The following NECTIN2 variants were observed in gnomAD, a reference collection of about 807,000 sequenced individuals.
The protein encoded by NECTIN2 is nectin-2.
A neutral mutation model predicts 56.9 loss-of-function variants in NECTIN2; 23 were observed. The observed-to-expected ratio is 0.40, with a 90% CI of 0.29 to 0.57. The LOEUF (loss-of-function observed/expected upper bound fraction) is 0.57. Among genes scored for constraint, NECTIN2 ranks in the 20% least tolerant of loss-of-function variants. NECTIN2 has a pLI of 0.38. For synonymous variants in NECTIN2, 302 were observed against 313.8 expected (o/e 0.96, Z 0.40); for missense variants, 587 against 718.3 (o/e 0.82, Z 2.09).
chr19:44,868,466 CTTTTT>C (rs71338735), intron 2 of NECTIN2, among the ~76,000 whole-genome samples: 1 of 133,512 alleles, frequency 7.5e-6, no homozygotes, highest in African/African-American at 2.8e-5. Context: ...TTTCCTTTTT[CTTTTT>C]TTTTTTTTTT....
intron 2 of NECTIN2, among the ~76,000 whole-genome samples, chr19:44,869,470 G>T (rs1427651240): frequency 5.1e-4 from 77 of 151,292 alleles, no homozygotes; most frequent in Admixed American, 5.1e-3. Flanking sequence ...GCGGGTGCCT[G>T]TAGTCCCAGC....
intron 8 of NECTIN2, among the ~76,000 whole-genome samples, chr19:44,886,478 TGGGAGGCCAAGG>T (rs1187358932): frequency 6.6e-6 from 1 of 152,094 alleles, no homozygotes; most frequent in East Asian, 1.9e-4. Context: ...CCCAGCACTT[TGGGAGGCCAAGG>T]CAGGAGGATC....
chr19:44,853,088 G>A (rs989773251), intron 1 of NECTIN2, among the ~76,000 whole-genome samples: 4 of 151,574 alleles, frequency 2.6e-5, no homozygotes, highest in African/African-American at 7.3e-5. Flanking sequence ...CCTGAGCAAC[G>A]GAGTGAGATC....
chr19:44,864,022 C>A (rs908055827), intron 1 of NECTIN2, among the ~76,000 whole-genome samples: 2 of 148,180 alleles, frequency 1.3e-5, no homozygotes, highest in African/African-American at 5.0e-5. Context: ...TCCCCCCCCC[C>A]AAAAAAAAAT....
chr19:44,877,439 A>G (rs559495179), intron 5 of NECTIN2, among the ~76,000 whole-genome samples: 23 of 151,544 alleles, frequency 1.5e-4, no homozygotes, highest in African/African-American at 5.3e-4. Flanking sequence ...ACTACCTCCC[A>G]TCCCCCATCC....
At chr19:44,868,925 A>G (rs1019401420) in intron 2 of NECTIN2, among the ~76,000 whole-genome samples, 5 of 148,880 alleles carry the variant, frequency 3.4e-5, no homozygotes, top group African/African-American at 1.2e-4. Context: ...AAAAAAAAAA[A>G]TATGTTGGAA....
intron 2 of NECTIN2, among the ~76,000 whole-genome samples, chr19:44,866,154 G>A (rs2122667508): frequency 6.6e-6 from 1 of 151,394 alleles, no homozygotes; most frequent in African/African-American, 2.4e-5. Context: ...TAGTCTGGGT[G>A]ACAGAGCAAG....
chr19:44,861,743 A>T (rs2122653071), intron 1 of NECTIN2, among the ~76,000 whole-genome samples: 1 of 152,328 alleles, frequency 6.6e-6, no homozygotes, highest in East Asian at 1.9e-4. Context: ...ACAAACATGA[A>T]AAAAATGCTC....
chr19:44,870,654 G>A (rs1207649872), intron 2 of NECTIN2, among the ~76,000 whole-genome samples: 6 of 152,030 alleles, frequency 3.9e-5, no homozygotes, highest in Non-Finnish European at 5.9e-5. Flanking sequence ...AAAAGGAACA[G>A]GGGGCCTTTC....
Position 44,888,110 on chromosome 19 carries a change from G to A in NECTIN2, c.1348G>A (p.Glu450Lys), listed in dbSNP as rs1343133196. 2.2e-5 allele frequency: 35 copies of A among 1,610,426 alleles called. No individual in the cohort carries two copies. The highest frequency in any genetic ancestry group is 3.0e-5 in the Non-Finnish European group (35 of 1,177,156). Residue 450 changes from glutamate to lysine, a missense_variant and splice_region_variant, in exon 9 of 9, where the codon GAA (glutamate) becomes AAA (lysine). By Grantham distance (56) the Glu-to-Lys change is moderately conservative. Transcript: ENST00000252483. ...FDAGASCTEQEMPRYHELPTL... is the reference protein window; with the variant it reads ...FDAGASCTEQKMPRYHELPTL... The stretch of plus-strand genomic sequence containing the variant: ...GTTCCTGTCCTCTCTCTACCTCCAG[G>A]AAATGCCTCGATACCATGAGCTGCC...
intron 1 of NECTIN2, among the ~76,000 whole-genome samples, chr19:44,847,787 T>G (rs1968853719): frequency 1.3e-5 from 2 of 152,254 alleles, no homozygotes; most frequent in South Asian, 2.1e-4. Context: ...ATCTATCCTC[T>G]GGTAGCGCCT....
intron 1 of NECTIN2, among the ~76,000 whole-genome samples, chr19:44,864,247 G>C (rs1405036089): frequency 6.6e-6 from 1 of 152,110 alleles, no homozygotes; most frequent in Non-Finnish European, 1.5e-5. Context: ...GAACCTGGGA[G>C]GTCAAGGCTG....
intron 2 of NECTIN2, 72 bp from the exon 3 acceptor site, chr19:44,871,781 T>C (rs910251412): frequency 8.5e-5 from 128 of 1,514,484 alleles, no homozygotes; most frequent in Non-Finnish European, 1.0e-4. Context: ...CTAACCACCC[T>C]GCTCCTCTGC....
Position 44,882,225 on chromosome 19 carries a change from G to A in NECTIN2, c.1057G>A (p.Ala353Thr). The A allele has an allele frequency of 2.0e-6, 3 of 1,499,764 alleles. No individual in the cohort carries two copies. Among genetic ancestry groups the A allele is most frequent in the Non-Finnish European group, 2.7e-6 (3 of 1,118,274 alleles). The allele number at this position is 1,499,764 out of a possible 1,614,324, so 92.9% of individuals were successfully genotyped here. ...TCTCCTTGCAGAGACCCCCAACACAGCAGGCGCAGGGGCCACAGGCGGCAT... is the reference window on the plus strand; with the variant it reads ...TCTCCTTGCAGAGACCCCCAACACAACAGGCGCAGGGGCCACAGGCGGCAT... ...VIFVRETPNT[A>T]GAGATGGIIG... Residue 353 changes from alanine to threonine, a missense_variant, in exon 6 of 9, where the codon GCA becomes ACA. By Grantham distance (58) the Ala-to-Thr change is moderately conservative. Coordinates refer to ENST00000252483, the MANE Select transcript of NECTIN2 (RefSeq NM_001042724.2).
chr19:44,868,298 G>C (rs1330024770), intron 2 of NECTIN2, among the ~76,000 whole-genome samples: 1 of 147,016 alleles, frequency 6.8e-6, no homozygotes, highest in Non-Finnish European at 1.5e-5. Flanking sequence ...GGGAAGCAGA[G>C]ATTGCAAGTG....
Position 44,874,143 on chromosome 19 carries a change from G to C in NECTIN2, c.893+110G>C, listed in dbSNP as rs1185356678. ...GGGGCCTGGACTCCTGGATCTGAGG[G>C]AGGAGGGGCTGGGCCTAAATTCCTA... On this transcript the variant is annotated intron_variant, in intron 4 of 8. Transcript: ENST00000252483. The surrounding 1 kb of genome is among the most constrained non-coding windows in gnomAD (Gnocchi z 6.3). 6.6e-6 allele frequency: 8 copies of C among 1,217,928 alleles called. No individual in the cohort carries two copies. Among genetic ancestry groups the C allele is most frequent in the Middle Eastern group, 2.2e-4 (1 of 4,504 alleles). 75.4% of individuals were successfully genotyped at this position (1,217,928 alleles called of 1,614,324 possible).
At chr19:44,877,933 A>G (rs1053124989) in intron 5 of NECTIN2, among the ~76,000 whole-genome samples, 2 of 152,134 alleles carry the variant, frequency 1.3e-5, no homozygotes, top group Non-Finnish European at 2.9e-5. Context: ...TTGGCTAGCA[A>G]TTTAAATTTT....
In NECTIN2 at chr19:44,888,242, C is replaced by T; in HGVS notation, c.1480C>T (p.Leu494=). Residue 494 remains leucine (L), a synonymous_variant, in exon 9 of 9, where the codon CTA becomes TTA. Transcript: ENST00000252483. ...TGCTGTGGAAGACGTTTCCCTGGAT[C>T]TAGAGGATGAGGAGGGGGAGGAGGA... ...PPAVEDVSLD[L]EDEEGEEEEE... is the part of the protein sequence containing the mutation. 1 of 1,614,128 alleles carries T rather than the reference C, an allele frequency of 6.2e-7. No homozygotes were observed. The highest frequency in any genetic ancestry group is 8.5e-7 in the Non-Finnish European group (1 of 1,180,012).
intron 2 of NECTIN2, among the ~76,000 whole-genome samples, chr19:44,870,269 G>C (rs1324760281): frequency 6.6e-6 from 1 of 152,162 alleles, no homozygotes; most frequent in African/African-American, 2.4e-5. Flanking sequence ...GAAGTGGTGG[G>C]CTCGGGCCCT....
Sources: allele counts gnomAD v4.1 joint callset (sites outside exome capture counted in the v4.1 genomes callset), GRCh38; gene constraint gnomAD v4.1.1; non-coding constraint Gnocchi (gnomAD v3.1); transcripts MANE v1.5; gene names NCBI Gene and HGNC (gene_info 2026-07-23, HGNC 2026-07-21).